Variants in SOX5 observed in about 807,000 individuals in gnomAD.
The protein encoded by SOX5 is SRY-box transcription factor 5, also known as transcription factor SOX-5.
SOX5 carries 9 observed loss-of-function variants against 92.0 expected under a neutral mutation model. That is an observed-to-expected ratio of 0.10 (90% CI 0.06 to 0.17). The LOEUF is 0.17. SOX5 is among the 10% of genes least tolerant of loss of function. The pLI is 1.00. For missense variants in SOX5, 642 were observed against 944.5 expected, an observed-to-expected ratio of 0.68 and a Z score of 4.20; for synonymous variants, 344 against 336.3, an observed-to-expected ratio of 1.02 and a Z score of -0.25.
intron 1 of SOX5, among the ~76,000 whole-genome samples, chr12:24,545,672 T>G (rs1203073671): frequency 6.6e-6 from 1 of 152,162 alleles, no homozygotes; most frequent in Non-Finnish European, 1.5e-5. Flanking sequence ...TCAGAAAGGT[T>G]GTTTGTAGTG....
chr12:23,734,394 G>A (rs367894371), intron 6 of SOX5, among the ~76,000 whole-genome samples: 5 of 152,186 alleles, frequency 3.3e-5, no homozygotes, highest in Admixed American at 6.5e-5. Flanking sequence ...TTATAGACAC[G>A]TTTTAACATT....
chr12:24,524,787 C>A (rs1256752675), intron 1 of SOX5, among the ~76,000 whole-genome samples: 1 of 152,098 alleles, frequency 6.6e-6, no homozygotes, highest in African/African-American at 2.4e-5. Flanking sequence ...GAGGCTGAAG[C>A]AGAAGGATCG....
chr12:24,368,034 C>T (rs904360138), intron 2 of SOX5: 23 of 152,092 alleles, frequency 1.5e-4, no homozygotes, highest in Non-Finnish European at 2.9e-4. Flanking sequence ...AAATAAAATA[C>T]ATATTTTGGC....
chr12:23,835,425 G>A (rs1419604880), intron 3 of SOX5, among the ~76,000 whole-genome samples: 2 of 151,662 alleles, frequency 1.3e-5, no homozygotes, highest in Non-Finnish European at 3.0e-5. Flanking sequence ...CAGTGAGAAT[G>A]GAGTCCTAAA....
intron 1 of SOX5, among the ~76,000 whole-genome samples, chr12:24,490,275 C>T (rs559531249): frequency 1.3e-5 from 2 of 152,254 alleles, no homozygotes; most frequent in East Asian, 1.9e-4. Flanking sequence ...TGAACTTGTA[C>T]GGAGTTCTTA....
chr12:23,759,010 AACACACACACACACACACAGACAC>A (rs1198212035), intron 3 of SOX5, among the ~76,000 whole-genome samples: 1 of 108,362 alleles, frequency 9.2e-6, no homozygotes, highest in Non-Finnish European at 1.9e-5. Flanking sequence ...GGCAACACAA[AACACACACACACACACACAGACAC>A]ACACACACAC....
At chr12:23,681,122 G>C (rs1209319541) in intron 6 of SOX5, among the ~76,000 whole-genome samples, 1 of 152,006 alleles carries the variant, frequency 6.6e-6, no homozygotes, top group Non-Finnish European at 1.5e-5. Context: ...AACAATATTA[G>C]CATGTAAAAC....
chr12:24,363,367 G>C (rs1206699600), intron 2 of SOX5, among the ~76,000 whole-genome samples: 1 of 152,110 alleles, frequency 6.6e-6, no homozygotes, highest in Non-Finnish European at 1.5e-5. Flanking sequence ...TGCTGGAGCG[G>C]TGCCAGCATG....
chr12:24,151,743 G>T (rs901916659), intron 4 of SOX5, among the ~76,000 whole-genome samples: 3 of 152,048 alleles, frequency 2.0e-5, no homozygotes, highest in Non-Finnish European at 4.4e-5. Flanking sequence ...GCTTGGGTTG[G>T]AAGTTGAAAT....
intron 14 of SOX5, among the ~76,000 whole-genome samples, chr12:23,535,989 G>A (rs1940337881): frequency 1.3e-5 from 2 of 152,084 alleles, no homozygotes; most frequent in South Asian, 4.1e-4. Context: ...TCCCTAGCTT[G>A]TGTGATCCAC....
chr12:23,871,718 A>ATAT (rs2096873955), intron 2 of SOX5, among the ~76,000 whole-genome samples: 1 of 152,108 alleles, frequency 6.6e-6, no homozygotes, highest in Admixed American at 6.5e-5. Context: ...AAAAACTAAT[A>ATAT]TATTAATATT....
At chr12:24,258,124 G>T (rs1941523382) in intron 3 of SOX5, among the ~76,000 whole-genome samples, 1 of 152,140 alleles carries the variant, frequency 6.6e-6, no homozygotes, top group Non-Finnish European at 1.5e-5. Context: ...AGTGAGCCGA[G>T]ATCGTGCCAC....
chr12:24,036,515 T>A (rs895156212), intron 4 of SOX5, among the ~76,000 whole-genome samples: 1 of 152,120 alleles, frequency 6.6e-6, no homozygotes, highest in East Asian at 1.9e-4. Context: ...ACAAATCAGT[T>A]TTATATGTGG....
At chr12:24,506,661 T>TA (rs1326838193) in intron 1 of SOX5, among the ~76,000 whole-genome samples, 1 of 151,838 alleles carries the variant, frequency 6.6e-6, no homozygotes, top group Non-Finnish European at 1.5e-5. Flanking sequence ...ATCCTACTGA[T>TA]AAAATCTGCT....
intron 8 of SOX5, among the ~76,000 whole-genome samples, chr12:23,630,782 T>C (rs915289538): frequency 2.0e-5 from 3 of 152,036 alleles, no homozygotes; most frequent in Non-Finnish European, 4.4e-5. Context: ...AAAGTAACAG[T>C]ATGATAATTT....
At chr12:23,762,329 T>A (rs942388318) in intron 3 of SOX5, 3 of 312,300 alleles carry the variant, frequency 9.6e-6, no homozygotes, top group African/African-American at 2.1e-5. Context: ...GGCCAAGAGC[T>A]TGAGGCTGTA....
chr12:23,830,287 T>C (rs113774804), intron 3 of SOX5, among the ~76,000 whole-genome samples: 160 of 152,274 alleles, frequency 1.1e-3, no homozygotes, highest in African/African-American at 3.7e-3. Flanking sequence ...TTTATGAGTG[T>C]CGATTTCCAT....
chr12:24,068,515 T>C (rs1233849542), intron 4 of SOX5, among the ~76,000 whole-genome samples: 1 of 151,708 alleles, frequency 6.6e-6, no homozygotes, highest in Non-Finnish European at 1.5e-5. Context: ...AAACTTGTGA[T>C]GTTATAGAAG....
chr12:23,640,998 C>A, intron 7 of SOX5, 101 bp from the exon 8 acceptor site: 1 of 752,844 alleles, frequency 1.3e-6, no homozygotes, highest in Non-Finnish European at 2.2e-6. Flanking sequence ...CTTTTGTGTG[C>A]CTTGCTGAGG....
Sources: gnomAD v4.1 joint callset for allele counts (sites outside exome capture counted in the v4.1 genomes callset) on GRCh38, gnomAD v4.1.1 for gene constraint, MANE v1.5 for transcripts, NCBI Gene and HGNC (gene_info 2026-07-23, HGNC 2026-07-21) for gene names.